MAPKAPK3: variants seen among roughly 807,000 people sequenced by gnomAD.
MAPKAPK3 encodes the protein MAPK activated protein kinase 3, also known as MAP kinase-activated protein kinase 3.
A neutral mutation model predicts 49.2 loss-of-function variants in MAPKAPK3; 35 were observed. The ratio of observed to expected loss-of-function variants is 0.71; its 90% CI spans 0.54 to 0.94. MAPKAPK3 has a LOEUF of 0.94. Ranked by LOEUF, MAPKAPK3 falls within the 40% of genes least tolerant of loss-of-function variation. The pLI, the probability that MAPKAPK3 is intolerant of heterozygous loss-of-function variation, is 0.00. For missense variants in MAPKAPK3, 398 were observed against 493.1 expected, an observed-to-expected ratio of 0.81 and a Z score of 1.83; for synonymous variants, 178 against 188.7, an observed-to-expected ratio of 0.94 and a Z score of 0.46.
intron 2 of MAPKAPK3, among the ~76,000 whole-genome samples, chr3:50,632,090 C>T (rs1025573846): frequency 1.3e-5 from 2 of 152,252 alleles, no homozygotes; most frequent in Non-Finnish European, 2.9e-5. Context: ...TATGTGCTGG[C>T]CTCAGTCTTC....
At chr3:50,633,654 G>A (rs1242886650) in intron 2 of MAPKAPK3, among the ~76,000 whole-genome samples, 1 of 152,116 alleles carries the variant, frequency 6.6e-6, no homozygotes. Context: ...CTCCAGCCTT[G>A]CCATCCTGCA....
At chr3:50,647,273 C>A in intron 10 of MAPKAPK3, 70 bp downstream of exon 10, 2 of 1,329,786 alleles carry the variant, frequency 1.5e-6, no homozygotes, top group Non-Finnish European at 2.1e-6. Context: ...AGGGGGGTGG[C>A]TACCCAGGGT....
rs1164228605 is a variant in MAPKAPK3 at position 50,642,341 on chromosome 3, C to G, written c.504+9C>G. 6.2e-7 allele frequency: 1 copy of G among 1,610,364 alleles called. No homozygotes were observed. The highest frequency in any genetic ancestry group is 1.7e-5 in the Admixed American group (1 of 59,996). On this transcript the variant is annotated intron_variant, in intron 5 of 10. Coordinates refer to ENST00000621469, the MANE Select transcript of MAPKAPK3 (RefSeq NM_001243925.2). ...CCCACCGAGATGTCAAGGTGAGGCT[C>G]CAGGATTCAGGTTGGGGGCCCGGGG...
At chr3:50,634,386 C>T (rs905169518) in intron 2 of MAPKAPK3, among the ~76,000 whole-genome samples, 3 of 152,084 alleles carry the variant, frequency 2.0e-5, no homozygotes, top group African/African-American at 7.2e-5. Flanking sequence ...ATCACAGACC[C>T]TCCAGTTCTG....
intron 2 of MAPKAPK3, among the ~76,000 whole-genome samples, chr3:50,631,102 G>A (rs868094252): frequency 3.3e-4 from 50 of 152,128 alleles, no homozygotes; most frequent in African/African-American, 7.0e-4. Flanking sequence ...GGATGTGGTT[G>A]GAACTTAATG....
At chr3:50,646,315 C>T in intron 8 of MAPKAPK3, 51 bp downstream of exon 8, 2 of 1,608,618 alleles carry the variant, frequency 1.2e-6, no homozygotes, top group South Asian at 2.2e-5. Flanking sequence ...CTGCGGCTTT[C>T]ATTCTGGGAA....
chr3:50,645,827 AC>A (rs777463586), intron 7 of MAPKAPK3, 42 bp downstream of exon 7: 2 of 1,545,600 alleles, frequency 1.3e-6, no homozygotes, highest in Non-Finnish European at 8.8e-7. Context: ...TCCTGCCCTT[AC>A]CCCCACTGTG....
chr3:50,633,428 A>G (rs1255564023), intron 2 of MAPKAPK3, among the ~76,000 whole-genome samples: 2 of 150,874 alleles, frequency 1.3e-5, no homozygotes, highest in Non-Finnish European at 2.9e-5. Flanking sequence ...TCATGTTCCC[A>G]TGCACACACA....
chr3:50,636,452 G>A (rs2033043020), intron 2 of MAPKAPK3, among the ~76,000 whole-genome samples: 1 of 152,220 alleles, frequency 6.6e-6, no homozygotes, highest in South Asian at 2.1e-4. Context: ...CAAGCTAATT[G>A]TATGTTGTGA....
intron 10 of MAPKAPK3, 119 bp from the exon 11 acceptor site, chr3:50,647,775 G>A: frequency 1.1e-6 from 1 of 945,136 alleles, no homozygotes; most frequent in Non-Finnish European, 1.6e-6. Flanking sequence ...GGCACACAGT[G>A]GGCACAGAGG....
upstream of MAPKAPK3, chr3:50,611,742 G>A (rs2032334053): frequency 7.2e-7 from 1 of 1,390,486 alleles, no homozygotes; most frequent in Non-Finnish European, 9.3e-7. Flanking sequence ...TGCTGGGTAG[G>A]CTCCCGGGGC....
At chr3:50,636,518 T>A (rs1445658981) in intron 2 of MAPKAPK3, among the ~76,000 whole-genome samples, 1 of 152,170 alleles carries the variant, frequency 6.6e-6, no homozygotes, top group Non-Finnish European at 1.5e-5. Flanking sequence ...TCTGGGGAGC[T>A]AGGAATGTTT....
At chr3:50,617,833 G>T (rs772427975) in intron 2 of MAPKAPK3, 49 bp downstream of exon 2, 3 of 1,467,854 alleles carry the variant, frequency 2.0e-6, no homozygotes, top group Non-Finnish European at 2.9e-6. Flanking sequence ...GGTCCACAGC[G>T]GAAGCCTGTG....
At chr3:50,620,970 C>T (rs2032596133) in intron 2 of MAPKAPK3, among the ~76,000 whole-genome samples, 1 of 152,238 alleles carries the variant, frequency 6.6e-6, no homozygotes, top group Non-Finnish European at 1.5e-5. Context: ...ATCAGTTACC[C>T]CACCACATCC....
intron 5 of MAPKAPK3, 38 bp from the exon 6 acceptor site, chr3:50,644,371 T>G: frequency 6.2e-7 from 1 of 1,612,194 alleles, no homozygotes; most frequent in Non-Finnish European, 8.5e-7. Context: ...CCTGCCTGGT[T>G]CCTAACTCCA....
intron 5 of MAPKAPK3, 131 bp from the exon 6 acceptor site, chr3:50,644,278 G>C: frequency 9.4e-7 from 1 of 1,060,742 alleles, no homozygotes; most frequent in Non-Finnish European, 1.4e-6. Flanking sequence ...GCAAGGCCCG[G>C]GTCTTTTTAT....
intron 5 of MAPKAPK3, among the ~76,000 whole-genome samples, chr3:50,643,077 C>G (rs898747934): frequency 2.0e-5 from 3 of 152,182 alleles, no homozygotes; most frequent in Non-Finnish European, 2.9e-5. Context: ...GTCTTGAACT[C>G]CTGACCTTAG....
intron 2 of MAPKAPK3, among the ~76,000 whole-genome samples, chr3:50,618,677 C>T (rs1488448660): frequency 1.3e-5 from 2 of 152,158 alleles, no homozygotes; most frequent in Admixed American, 1.3e-4. Context: ...CAGCAAAGGC[C>T]CTTCTCATTT....
intron 2 of MAPKAPK3, among the ~76,000 whole-genome samples, chr3:50,621,744 G>T (rs2032615882): frequency 1.3e-5 from 2 of 152,152 alleles, no homozygotes; most frequent in South Asian, 4.1e-4. Context: ...CTGTACTCCA[G>T]CCTGGGTGAC....
Sources: gnomAD v4.1 joint callset for allele counts (sites outside exome capture counted in the v4.1 genomes callset) on GRCh38, gnomAD v4.1.1 for gene constraint, MANE v1.5 for transcripts, NCBI Gene and HGNC (gene_info 2026-07-23, HGNC 2026-07-21) for gene names.